Variants in CPT1A observed in about 807,000 individuals in gnomAD.
The protein encoded by CPT1A is carnitine O-palmitoyltransferase 1, liver isoform.
Under a neutral mutation model 100.8 loss-of-function variants are expected in CPT1A, and 64 were observed. That is an observed-to-expected ratio of 0.63 (90% CI 0.52 to 0.78). The LOEUF is 0.78. CPT1A is among the 30% of genes least tolerant of loss of function. The pLI is 0.00. For synonymous variants in CPT1A, 363 were observed against 396.0 expected (o/e 0.92, Z 0.99); for missense variants, 802 against 1,034.1 (o/e 0.78, Z 3.08).
Position 68,757,583 on chromosome 11 carries a change from C to T in CPT1A, c.*61G>A, listed in dbSNP as rs1946715476. The T allele has an allele frequency of 2.5e-6, 4 of 1,613,084 alleles. No individual in the cohort carries two copies. The South Asian group carries it at 3.3e-5, about 13-fold the overall frequency. ...CCCGAGCTAAGGTCAGGATTAATGC[C>T]TATTTTTCATTTGGTTTGCATCAGA... On this transcript the variant is annotated 3_prime_UTR_variant, in exon 19 of 19. Transcript: ENST00000265641.
intron 9 of CPT1A, among the ~76,000 whole-genome samples, chr11:68,789,973 T>C (rs780522326): frequency 9.9e-5 from 15 of 152,220 alleles, no homozygotes; most frequent in Non-Finnish European, 1.8e-4. Flanking sequence ...ATTTTTCCGT[T>C]GTTGTAATGA....
intron 1 of CPT1A, among the ~76,000 whole-genome samples, chr11:68,837,754 G>C (rs1285407786): frequency 6.6e-6 from 1 of 152,030 alleles, no homozygotes. Flanking sequence ...TGGGAGGATC[G>C]CTTGAGGCCA....
At chr11:68,777,290 C>A (rs1475892021) in intron 12 of CPT1A, among the ~76,000 whole-genome samples, 1 of 151,606 alleles carries the variant, frequency 6.6e-6, no homozygotes, top group East Asian at 2.0e-4. Context: ...ATCAGCTGGG[C>A]GTGGTGGCGC....
At chr11:68,777,547 T>C (rs1440222739) in intron 12 of CPT1A, among the ~76,000 whole-genome samples, 3 of 152,238 alleles carry the variant, frequency 2.0e-5, no homozygotes, top group Non-Finnish European at 4.4e-5. Flanking sequence ...TCCCCATCTG[T>C]GTATGGATCA....
downstream of CPT1A, chr11:68,754,812 T>C (rs748993071): frequency 1.8e-5 from 14 of 780,958 alleles, no homozygotes; most frequent in South Asian, 1.9e-4. Flanking sequence ...CTTTCCACTT[T>C]GTCTCAAGTA....
chr11:68,759,872 T>TACACAC (rs34518934), intron 17 of CPT1A, among the ~76,000 whole-genome samples: 1 of 150,182 alleles, frequency 6.7e-6, no homozygotes, highest in South Asian at 2.1e-4. Flanking sequence ...TACAAAAAAA[T>TACACAC]ACACACACAC....
At chr11:68,838,581 A>AAAAAAAAAAAACAAC (rs1265604133) in intron 1 of CPT1A, among the ~76,000 whole-genome samples, 1 of 145,600 alleles carries the variant, frequency 6.9e-6, no homozygotes, top group Non-Finnish European at 1.5e-5. Flanking sequence ...TTAAAAAAAA[A>AAAAAAAAAAAACAAC]AAAAAAAAAA....
At chr11:68,831,071 C>T (rs907809255) in intron 1 of CPT1A, among the ~76,000 whole-genome samples, 11 of 152,202 alleles carry the variant, frequency 7.2e-5, no homozygotes, top group African/African-American at 2.4e-4. Context: ...GCTCAATATC[C>T]CCCAAATCCT....
Position 68,841,804 on chromosome 11 carries a change from A to AGCGGCAGCG in CPT1A, c.-52_-44dup, listed in dbSNP as rs1389068637. The AGCGGCAGCG allele has an allele frequency of 2.0e-6, 2 of 997,532 alleles. No homozygotes were observed. Among genetic ancestry groups the AGCGGCAGCG allele is most frequent in the Non-Finnish European group, 2.4e-6 (2 of 840,326 alleles). 61.8% of individuals were successfully genotyped at this position (997,532 alleles called of 1,614,324 possible). A position where few individuals can be genotyped will look rare whatever the true frequency, so the allele number is the denominator to read the frequency against. On this transcript the variant is annotated 5_prime_UTR_variant, in exon 1 of 19. Coordinates refer to ENST00000265641, the MANE Select transcript of CPT1A (RefSeq NM_001876.4). The surrounding 1 kb of genome is among the most constrained non-coding windows in gnomAD (Gnocchi z 6.3). ...TCAGCTACGGAGGTGCGGCAGCGGC[A>AGCGGCAGCG]GCGGCAGCGGCGGCGGCGGCGGCGG...
chr11:68,809,247 A>G (rs1856130589), intron 3 of CPT1A, among the ~76,000 whole-genome samples: 5 of 152,134 alleles, frequency 3.3e-5, no homozygotes, highest in Admixed American at 2.0e-4. Flanking sequence ...TTAAGAAGCT[A>G]TCTTTTAGAT....
chr11:68,761,101 C>T (rs186028569), intron 16 of CPT1A, among the ~76,000 whole-genome samples: 72 of 149,924 alleles, frequency 4.8e-4, no homozygotes, highest in Non-Finnish European at 8.4e-4. Flanking sequence ...ATCAGCTACT[C>T]AGCAGGCTAA....
intron 14 of CPT1A, among the ~76,000 whole-genome samples, chr11:68,771,076 G>A (rs935630721): frequency 6.6e-6 from 1 of 152,214 alleles, no homozygotes; most frequent in South Asian, 2.1e-4. Context: ...CCTGGGCCAC[G>A]TGGGTTCTGG....
Position 68,757,491 on chromosome 11 carries a change from T to C in CPT1A, c.*153A>G. 6.6e-7 allele frequency: 1 copy of C among 1,518,722 alleles called. No homozygotes were observed. The allele number at this position is 1,518,722 out of a possible 1,614,324, so 94.1% of individuals were successfully genotyped here. The stretch of plus-strand genomic sequence containing the variant: ...ATGCTTCACAGGGGAGAGATACTGT[T>C]CTAGGAAAAAAAAACACCCACATTT... On this transcript the variant is annotated 3_prime_UTR_variant, in exon 19 of 19. Transcript: ENST00000265641.
At chr11:68,773,767 G>A in intron 13 of CPT1A, 1 of 331,918 alleles carries the variant, frequency 3.0e-6, no homozygotes, top group East Asian at 7.6e-5. Flanking sequence ...GCCGGTGCCA[G>A]GGAAAGGCAG....
chr11:68,769,430 T>C (rs570758881), intron 14 of CPT1A, among the ~76,000 whole-genome samples: 2 of 150,972 alleles, frequency 1.3e-5, no homozygotes, highest in African/African-American at 4.9e-5. Context: ...TTTGTATTTT[T>C]TGTACAGATA....
intron 1 of CPT1A, among the ~76,000 whole-genome samples, chr11:68,821,708 G>GT (rs1486430024): frequency 2.6e-4 from 40 of 152,260 alleles, no homozygotes; most frequent in African/African-American, 9.6e-4. Context: ...TATTATTTAG[G>GT]TTTTTTCTTT....
At chr11:68,841,973 G>A (rs1474888919), upstream of CPT1A, 2 of 985,238 alleles carry the variant, frequency 2.0e-6, no homozygotes, top group Admixed American at 6.2e-5. The surrounding 1 kb of genome is among the most constrained non-coding windows in gnomAD (Gnocchi z 6.3). Context: ...GCGCGCGGAG[G>A]GCGGGCCCGG....
intron 1 of CPT1A, among the ~76,000 whole-genome samples, chr11:68,828,921 G>T (rs1208253105): frequency 2.0e-5 from 3 of 152,142 alleles, no homozygotes; most frequent in African/African-American, 7.2e-5. Context: ...TCTGGCTTCT[G>T]AACTAGTAGG....
rs190550030 is a variant in CPT1A, at chr11:68,798,687, G to A, written c.693+531C>T. ...ATCCCTGCATCCACCAGCGAGCTCG[G>A]GAAGGATGCCCTTGGAATCAAGATA... On this transcript the variant is annotated intron_variant, in intron 6 of 18. Coordinates refer to ENST00000265641, the MANE Select transcript of CPT1A (RefSeq NM_001876.4). Among the ~76,000 whole-genome samples the A allele has an allele frequency of 2.6e-4, 39 of 152,212 alleles. 1 individual carries two copies. Among genetic ancestry groups the A allele is most frequent in the Admixed American group, 2.4e-3 (36 of 15,286 alleles).
Sources: gnomAD v4.1 joint callset for allele counts (sites outside exome capture counted in the v4.1 genomes callset) on GRCh38, gnomAD v4.1.1 for gene constraint, Gnocchi (gnomAD v3.1) non-coding constraint, MANE v1.5 for transcripts, NCBI Gene and HGNC (gene_info 2026-07-23, HGNC 2026-07-21) for gene names.